The following OTOGL variants were observed in gnomAD, a reference collection of about 807,000 sequenced individuals.
The protein encoded by OTOGL is otogelin like.
OTOGL carries 285 observed loss-of-function variants against 318.5 expected under a neutral mutation model. That is an observed-to-expected ratio of 0.89 (90% confidence interval 0.81 to 0.99). The LOEUF is 0.99. OTOGL is among the 50% of genes least tolerant of loss of function. The probability of loss-of-function intolerance (pLI) is 0.00; values close to 1 mark genes in which losing one functional copy is unlikely to be tolerated. For synonymous variants in OTOGL, 987 were observed against 936.5 expected, an observed-to-expected ratio of 1.05 and a Z score of -0.99; for missense variants, 2,899 against 2,845.6, an observed-to-expected ratio of 1.02 and a Z score of -0.43.
chr12:80,309,889 T>G (rs1265843700), intron 29 of OTOGL, among the ~76,000 whole-genome samples: 2 of 152,246 alleles, frequency 1.3e-5, no homozygotes, highest in East Asian at 3.9e-4. Flanking sequence ...GTGACTAGTA[T>G]ATTCAGGGCG....
Position 80,103,200 on chromosome 12 carries a change from C to T in OTOGL, c.-20+3595C>T, listed in dbSNP as rs535860221. The stretch of plus-strand genomic sequence containing the variant: ...ATCGTCCTTTCGGATGGGCATGGAT[C>T]GCTCGTTGTACTTCTGTCTCAGCTC... On this transcript the variant is annotated intron_variant, in intron 1 of 58. Transcript: ENST00000547103. 3.0e-5 allele frequency: 42 copies of T among 1,404,724 alleles called. No homozygotes were observed. In the African/African-American group the frequency reaches 3.6e-4, roughly 12 times the overall value. The allele number at this position is 1,404,724 out of a possible 1,614,324, so 87.0% of individuals were successfully genotyped here.
chr12:80,357,112 C>A (rs1347235011), intron 49 of OTOGL, among the ~76,000 whole-genome samples, 198 bp downstream of exon 49: 12 of 152,108 alleles, frequency 7.9e-5, no homozygotes, highest in Non-Finnish European at 2.9e-5. Context: ...CCCCCATCAA[C>A]AAAAACTACA....
At chr12:80,230,186 G>A (rs991737601) in intron 8 of OTOGL, among the ~76,000 whole-genome samples, 6 of 152,160 alleles carry the variant, frequency 3.9e-5, no homozygotes, top group East Asian at 3.9e-4. Flanking sequence ...TCTTTCCAGC[G>A]CAATGGCTTT....
intron 1 of OTOGL, among the ~76,000 whole-genome samples, chr12:80,129,915 G>A (rs1871133648): frequency 1.3e-5 from 2 of 152,050 alleles, no homozygotes; most frequent in Admixed American, 6.6e-5. Context: ...CTTACAACCA[G>A]CAGCATATCC....
chr12:80,295,157 CTTTT>C (rs66786755), intron 26 of OTOGL, among the ~76,000 whole-genome samples: 20 of 98,926 alleles, frequency 2.0e-4, no homozygotes, highest in African/African-American at 8.2e-4. Context: ...GATTGCCGAA[CTTTT>C]TTTTTTTTTT....
intron 1 of OTOGL, among the ~76,000 whole-genome samples, chr12:80,191,755 C>G (rs1028782311): frequency 1.3e-5 from 2 of 152,160 alleles, no homozygotes; most frequent in Non-Finnish European, 2.9e-5. Context: ...GATCAGCAAG[C>G]GTAAGGCAGT....
At chr12:80,256,260 C>T (rs758504202) in intron 16 of OTOGL, 77 bp from the exon 17 acceptor site, 5 of 1,446,420 alleles carry the variant, frequency 3.5e-6, no homozygotes, top group Admixed American at 1.9e-5. Flanking sequence ...CCCTTTCTCC[C>T]ATCTCCACCT....
intron 11 of OTOGL, among the ~76,000 whole-genome samples, chr12:80,249,497 C>G (rs866616803): frequency 6.6e-6 from 1 of 151,554 alleles, no homozygotes; most frequent in Non-Finnish European, 1.5e-5. Context: ...GGTCAGGGAC[C>G]CACTTGAGGA....
At chr12:80,238,075 A>G (rs1004209019) in intron 9 of OTOGL, among the ~76,000 whole-genome samples, 2 of 152,214 alleles carry the variant, frequency 1.3e-5, no homozygotes, top group African/African-American at 4.8e-5. Flanking sequence ...TTCTCAGATC[A>G]GGTAGAGAGA....
At chr12:80,176,917 T>C (rs1049393936) in intron 1 of OTOGL, among the ~76,000 whole-genome samples, 1 of 152,198 alleles carries the variant, frequency 6.6e-6, no homozygotes, top group African/African-American at 2.4e-5. Context: ...GTATGATTGG[T>C]AATTTTGATT....
At position 80,257,958 on chromosome 12, in the gene OTOGL, A is replaced by G; in HGVS notation, c.1845A>G (p.Leu615=). Reference sequence around the variant, plus strand: ...CTAGCGCATGGAAAAGAAGAACATTAGGTCTGTGTGGCACTTTTAATGGCA... The same window carrying G: ...CTAGCGCATGGAAAAGAAGAACATTGGGTCTGTGTGGCACTTTTAATGGCA... ...QLTSAWKRRT[L]GLCGTFNGNI... The change falls in exon 18 of 59, where the codon TTA becomes TTG. Residue 615 remains leucine, a synonymous_variant. Transcript: ENST00000547103. 2 of 1,597,204 alleles carry G rather than the reference A, an allele frequency of 1.3e-6. No homozygotes were observed. The highest frequency in any genetic ancestry group is 2.7e-5 in the African/African-American group (2 of 74,906).
At chr12:80,174,222 G>A (rs1874384793) in intron 1 of OTOGL, among the ~76,000 whole-genome samples, 1 of 152,134 alleles carries the variant, frequency 6.6e-6, no homozygotes, top group Non-Finnish European at 1.5e-5. Context: ...CTGAGCTGGA[G>A]TCAGAGATTC....
intron 1 of OTOGL, among the ~76,000 whole-genome samples, chr12:80,137,284 T>G (rs1004828617): frequency 6.6e-6 from 1 of 152,190 alleles, no homozygotes; most frequent in African/African-American, 2.4e-5. Flanking sequence ...ACCATGTCAC[T>G]GAATTGCTAT....
chr12:80,270,805 ATCATATAAAGAG>A (rs1883351948), intron 23 of OTOGL, among the ~76,000 whole-genome samples: 1 of 152,146 alleles, frequency 6.6e-6, no homozygotes, highest in Non-Finnish European at 1.5e-5. Context: ...ATTTATTTTC[ATCATATAAAGAG>A]CCTCAAATTC....
At chr12:80,163,565 A>G (rs1170136271) in intron 1 of OTOGL, among the ~76,000 whole-genome samples, 1 of 152,084 alleles carries the variant, frequency 6.6e-6, no homozygotes, top group Admixed American at 6.6e-5. Flanking sequence ...CATTTTTTAT[A>G]CAGGCATTAT....
chr12:80,374,940 G>T (rs1891095448), intron 57 of OTOGL, among the ~76,000 whole-genome samples: 2 of 152,168 alleles, frequency 1.3e-5, no homozygotes, highest in Non-Finnish European at 2.9e-5. Context: ...CTACAGATGA[G>T]AAATAGAAGG....
chr12:80,306,434 T>C (rs1886108930), intron 29 of OTOGL, among the ~76,000 whole-genome samples: 1 of 152,244 alleles, frequency 6.6e-6, no homozygotes, highest in Non-Finnish European at 1.5e-5. Context: ...TAGCCTGTTG[T>C]TCTTTTCAAT....
At chr12:80,296,751 G>A (rs2137709307) in intron 26 of OTOGL, 76 bp from the exon 27 acceptor site, 21 of 1,119,638 alleles carry the variant, frequency 1.9e-5, no homozygotes, top group Non-Finnish European at 2.5e-5. Context: ...CAATATTTAA[G>A]ATTTCTTAAT....
rs1183453938 is a variant in OTOGL at position 80,308,601 on chromosome 12, G to A, written c.3334-2010G>A. The stretch of plus-strand genomic sequence containing the variant: ...AGAGGCTGCAATCTCGGCACTTTGG[G>A]AGGCCAAGGCAGGCTGCTGGGAGGT... On this transcript the variant is annotated intron_variant, in intron 29 of 58. Coordinates refer to ENST00000547103, the MANE Select transcript of OTOGL (RefSeq NM_001378609.3). Among the ~76,000 whole-genome samples the A allele has an allele frequency of 2.6e-5, 4 of 152,172 alleles. No homozygotes were observed. In the East Asian group the frequency reaches 7.7e-4, roughly 29 times the overall value.
Sources: allele counts gnomAD v4.1 joint callset (sites outside exome capture counted in the v4.1 genomes callset), GRCh38; gene constraint gnomAD v4.1.1; transcripts MANE v1.5; gene names NCBI Gene and HGNC (gene_info 2026-07-23, HGNC 2026-07-21).